Variants in SARNP observed in about 807,000 individuals in gnomAD.
SARNP encodes the protein SAP domain containing ribonucleoprotein, also known as SAP domain-containing ribonucleoprotein.
In SARNP, 5 loss-of-function variants were observed where a neutral mutation model predicts 38.1. That is an observed-to-expected ratio of 0.13 (90% confidence interval 0.07 to 0.28). The LOEUF (loss-of-function observed/expected upper bound fraction) is 0.28, where lower values mean the gene tolerates loss of function less well. SARNP is among the 10% of genes least tolerant of loss of function. SARNP has a pLI of 1.00. For missense variants in SARNP, 180 were observed against 243.9 expected (o/e 0.74, Z 1.75); for synonymous variants, 84 against 80.6 (o/e 1.04, Z -0.23).
At chr12:55,800,715 C>CTGTTGATGTGTAATTAT in intron 3 of SARNP, 86 bp from the exon 4 acceptor site, 1 of 1,323,484 alleles carries the variant, frequency 7.6e-7, no homozygotes, top group Non-Finnish European at 1.1e-6. Context: ...CCAAAATAAA[C>CTGTTGATGTGTAATTAT]CAGTCTCTCA....
chr12:55,809,052 C>G (rs1257508729), intron 1 of SARNP, among the ~76,000 whole-genome samples: 1 of 151,762 alleles, frequency 6.6e-6, no homozygotes, highest in Admixed American at 6.6e-5. Context: ...ACTAAAAATA[C>G]AAAAACAGCC....
At chr12:55,757,694 AG>A in intron 10 of SARNP, 141 bp from the exon 11 acceptor site, 2 of 592,700 alleles carry the variant, frequency 3.4e-6, no homozygotes, top group Middle Eastern at 5.3e-4. Context: ...TGGTAGCTAG[AG>A]ATTTCATTCC....
chr12:55,795,598 T>C (rs892432975), intron 5 of SARNP, among the ~76,000 whole-genome samples: 5 of 152,210 alleles, frequency 3.3e-5, no homozygotes, highest in African/African-American at 1.2e-4. Flanking sequence ...AATAATTCTC[T>C]ACTTTGCAAG....
intron 1 of SARNP, among the ~76,000 whole-genome samples, chr12:55,810,742 C>G (rs1311408529): frequency 1.3e-5 from 2 of 151,478 alleles, no homozygotes; most frequent in East Asian, 3.9e-4. Flanking sequence ...CATGAGCTAC[C>G]ACACCCGGCC....
At chr12:55,809,796 A>C (rs1464393944) in intron 1 of SARNP, among the ~76,000 whole-genome samples, 1 of 152,124 alleles carries the variant, frequency 6.6e-6, no homozygotes, top group Admixed American at 6.5e-5. Flanking sequence ...TAAGGATACT[A>C]ACATTAATGT....
chr12:55,805,190 A>T (rs911105197), intron 1 of SARNP, among the ~76,000 whole-genome samples: 1 of 152,184 alleles, frequency 6.6e-6, no homozygotes, highest in Non-Finnish European at 1.5e-5. Flanking sequence ...TGAACCCTGG[A>T]GGCGGAACTT....
chr12:55,802,122 C>G (rs1050350397), intron 2 of SARNP, among the ~76,000 whole-genome samples: 3 of 152,098 alleles, frequency 2.0e-5, no homozygotes, highest in Non-Finnish European at 4.4e-5. Context: ...CTTGATAGGA[C>G]AGTGCCAAGT....
chr12:55,794,772 C>G, intron 6 of SARNP, 35 bp downstream of exon 6: 1 of 1,251,980 alleles, frequency 8.0e-7, no homozygotes, highest in Non-Finnish European at 1.2e-6. Flanking sequence ...TTTACAACAC[C>G]CCTATCAGAG....
chr12:55,763,973 C>T (rs908230574), intron 9 of SARNP, among the ~76,000 whole-genome samples: 6 of 152,140 alleles, frequency 3.9e-5, no homozygotes, highest in Non-Finnish European at 8.8e-5. Context: ...AACAGTAGGA[C>T]AATTAAGTGC....
At chr12:55,783,309 G>C (rs1275390102) in intron 9 of SARNP, among the ~76,000 whole-genome samples, 1 of 151,836 alleles carries the variant, frequency 6.6e-6, no homozygotes, top group Non-Finnish European at 1.5e-5. Flanking sequence ...GTTGTTTGAG[G>C]GGGGTGGGTG....
chr12:55,776,590 T>C (rs1879189488), intron 9 of SARNP, among the ~76,000 whole-genome samples: 1 of 152,172 alleles, frequency 6.6e-6, no homozygotes, highest in Non-Finnish European at 1.5e-5. Flanking sequence ...CAAATGCTTT[T>C]GATCCACAGA....
chr12:55,766,617 G>GGGGGGGC (rs1491296214), intron 9 of SARNP, among the ~76,000 whole-genome samples: 2 of 35,158 alleles, frequency 5.7e-5, no homozygotes, highest in African/African-American at 1.6e-4. Flanking sequence ...TTTTTTTGGC[G>GGGGGGGC]GGGGGGGGGG....
chr12:55,780,416 T>C (rs1879309995), intron 9 of SARNP, among the ~76,000 whole-genome samples: 1 of 151,872 alleles, frequency 6.6e-6, no homozygotes, highest in African/African-American at 2.4e-5. Context: ...ATTGCGCCAC[T>C]GCATTCCAGC....
intron 9 of SARNP, among the ~76,000 whole-genome samples, chr12:55,780,111 G>A (rs1040096287): frequency 3.3e-5 from 5 of 152,172 alleles, no homozygotes; most frequent in African/African-American, 1.2e-4. Context: ...TCATGCCACT[G>A]CACTTCAGCC....
intron 9 of SARNP, among the ~76,000 whole-genome samples, chr12:55,782,837 G>A (rs917195927): frequency 2.0e-5 from 3 of 152,162 alleles, no homozygotes; most frequent in African/African-American, 4.8e-5. Context: ...GTTTCCAGCC[G>A]CAATGGCTCA....
At chr12:55,784,251 T>C (rs1224350707) in intron 9 of SARNP, among the ~76,000 whole-genome samples, 6 of 152,166 alleles carry the variant, frequency 3.9e-5, no homozygotes, top group East Asian at 3.8e-4. Context: ...CCAAATTATA[T>C]AGAAGGCTAC....
intron 9 of SARNP, among the ~76,000 whole-genome samples, chr12:55,778,523 T>C (rs760705047): frequency 2.6e-5 from 4 of 152,116 alleles, no homozygotes; most frequent in Non-Finnish European, 5.9e-5. Flanking sequence ...AGTAGTGTCT[T>C]TTTTTTATCT....
intron 9 of SARNP, among the ~76,000 whole-genome samples, chr12:55,776,262 G>A (rs1317163300): frequency 6.6e-6 from 1 of 152,076 alleles, no homozygotes; most frequent in Non-Finnish European, 1.5e-5. Context: ...AAAATAGGGA[G>A]ACCCTGTCTC....
At chr12:55,810,847 C>A (rs12832301) in intron 1 of SARNP, among the ~76,000 whole-genome samples, 1 of 149,890 alleles carries the variant, frequency 6.7e-6, no homozygotes, top group South Asian at 2.1e-4. Flanking sequence ...GAGTCCGAGG[C>A]GGGCGGATCA....
Sources: allele counts gnomAD v4.1 joint callset (sites outside exome capture counted in the v4.1 genomes callset), GRCh38; gene constraint gnomAD v4.1.1; transcripts MANE v1.5; gene names NCBI Gene and HGNC (gene_info 2026-07-23, HGNC 2026-07-21).